The following FTO variants were observed in gnomAD, a reference collection of about 807,000 sequenced individuals.
FTO encodes the protein alpha-ketoglutarate-dependent dioxygenase FTO.
In FTO, 47 loss-of-function variants were observed where a neutral mutation model predicts 63.9. That is an observed-to-expected ratio of 0.74 (90% CI 0.58 to 0.94). FTO has a LOEUF of 0.94. Ranked by LOEUF, FTO falls within the 40% of genes least tolerant of loss-of-function variation. FTO has a pLI of 0.00. For missense variants in FTO, 562 were observed against 618.1 expected (o/e 0.91, Z 0.96); for synonymous variants, 207 against 224.4 (o/e 0.92, Z 0.69).
At position 54,114,268 on chromosome 16, in the gene FTO, A is replaced by C. The variant is rs1200833431; in HGVS notation, c.*2353A>C. Reference sequence around the variant, plus strand: ...TTCTCCGTTTTTTCATTAATTGTGAACCTGACCTGCATCACCCTTTCATGT... The same window carrying C: ...TTCTCCGTTTTTTCATTAATTGTGACCCTGACCTGCATCACCCTTTCATGT... On this transcript the variant is annotated 3_prime_UTR_variant, in exon 9 of 9. Coordinates refer to ENST00000471389, the MANE Select transcript of FTO (RefSeq NM_001080432.3). 1.3e-5 allele frequency: 2 copies of C among 151,892 alleles called. No homozygotes were observed. Among genetic ancestry groups the C allele is most frequent in the Non-Finnish European group, 2.9e-5 (2 of 68,010 alleles). 9.4% of individuals were successfully genotyped at this position (151,892 alleles called of 1,614,324 possible). A position where few individuals can be genotyped will look rare whatever the true frequency, so the allele number is the denominator to read the frequency against.
chr16:54,008,058 C>G (rs1431984675), intron 8 of FTO, among the ~76,000 whole-genome samples: 1 of 152,148 alleles, frequency 6.6e-6, no homozygotes, highest in Admixed American at 6.5e-5. Context: ...AAGAATCAGG[C>G]AGACAATCCA....
At chr16:53,798,322 TG>T (rs1244155305) in intron 1 of FTO, among the ~76,000 whole-genome samples, 1 of 152,168 alleles carries the variant, frequency 6.6e-6, no homozygotes, top group Admixed American at 6.5e-5. Context: ...AGAAATAGAA[TG>T]TCAATTTTTA....
intron 8 of FTO, among the ~76,000 whole-genome samples, chr16:54,097,304 TGTTA>T (rs1162004353): frequency 5.3e-5 from 8 of 151,160 alleles, no homozygotes; most frequent in African/African-American, 9.8e-5. Flanking sequence ...CTTGTTAGGT[TGTTA>T]GCTTGCTCTT....
intron 1 of FTO, among the ~76,000 whole-genome samples, chr16:53,730,081 T>C (rs1416839017): frequency 6.6e-6 from 1 of 152,218 alleles, no homozygotes; most frequent in Non-Finnish European, 1.5e-5. Context: ...GGACTTCAAA[T>C]GTAGATATAA....
At chr16:53,955,530 G>A (rs72809609) in intron 8 of FTO, among the ~76,000 whole-genome samples, 23,839 of 152,082 alleles carry the variant, frequency 0.16, 2,081 homozygotes, top group Admixed American at 0.2. Context: ...GAGAGAGGAA[G>A]GAGGGGTCAC....
chr16:53,745,522 T>C (rs1399955983), intron 1 of FTO, among the ~76,000 whole-genome samples: 2 of 152,234 alleles, frequency 1.3e-5, no homozygotes, highest in African/African-American at 4.8e-5. Context: ...GTTTCATTCA[T>C]ATAAAGAAAT....
At chr16:53,758,551 C>T (rs998289264) in intron 1 of FTO, among the ~76,000 whole-genome samples, 5 of 152,166 alleles carry the variant, frequency 3.3e-5, no homozygotes, top group African/African-American at 1.2e-4. Flanking sequence ...TCATATCGCT[C>T]TGTAGTGAGG....
At chr16:53,930,190 T>G (rs1390526945) in intron 7 of FTO, among the ~76,000 whole-genome samples, 1 of 151,808 alleles carries the variant, frequency 6.6e-6, no homozygotes, top group Non-Finnish European at 1.5e-5. Flanking sequence ...AAATATATAG[T>G]TTTGTTTATA....
intron 8 of FTO, among the ~76,000 whole-genome samples, chr16:54,026,109 A>G (rs1340030550): frequency 1.3e-5 from 2 of 152,250 alleles, no homozygotes; most frequent in Non-Finnish European, 2.9e-5. Context: ...TTTGGCTGCA[A>G]ATATCAAAGA....
chr16:53,860,928 A>C (rs2151853633), intron 4 of FTO, among the ~76,000 whole-genome samples: 1 of 151,276 alleles, frequency 6.6e-6, no homozygotes, highest in East Asian at 1.9e-4. Flanking sequence ...GTTTACTGTG[A>C]GGTCATGGGT....
At chr16:53,944,779 G>A (rs1047691576) in intron 8 of FTO, among the ~76,000 whole-genome samples, 9 of 152,172 alleles carry the variant, frequency 5.9e-5, no homozygotes, top group Non-Finnish European at 1.5e-5. Flanking sequence ...TACCTGTAAC[G>A]TATTAGGTGT....
intron 1 of FTO, among the ~76,000 whole-genome samples, chr16:53,746,363 C>T (rs1453112305): frequency 1.3e-5 from 2 of 152,142 alleles, no homozygotes; most frequent in African/African-American, 4.8e-5. Context: ...TCCCTTCCCC[C>T]ATCAACATAT....
At chr16:53,918,687 G>T (rs762080854) in intron 7 of FTO, among the ~76,000 whole-genome samples, 2 of 152,158 alleles carry the variant, frequency 1.3e-5, no homozygotes, top group Non-Finnish European at 2.9e-5. Context: ...TGTATATGTT[G>T]TATTTCCCAG....
chr16:54,092,778 AT>A (rs1343521788), intron 8 of FTO, among the ~76,000 whole-genome samples: 1 of 152,206 alleles, frequency 6.6e-6, no homozygotes, highest in Non-Finnish European at 1.5e-5. Flanking sequence ...TCTAGTCTTT[AT>A]TTGCTGGCCT....
intron 8 of FTO, among the ~76,000 whole-genome samples, chr16:53,970,585 C>A (rs2083293539): frequency 7.6e-6 from 1 of 131,322 alleles, no homozygotes; most frequent in Non-Finnish European, 1.6e-5. Flanking sequence ...GGCGAGACTC[C>A]ATCTCAAAAA....
At chr16:54,074,736 C>G (rs2085945319) in intron 8 of FTO, among the ~76,000 whole-genome samples, 1 of 152,024 alleles carries the variant, frequency 6.6e-6, no homozygotes, top group Non-Finnish European at 1.5e-5. Context: ...AGGATAGATT[C>G]CTAGAAATTG....
At chr16:53,724,333 A>G (rs886507384) in intron 1 of FTO, among the ~76,000 whole-genome samples, 1 of 152,202 alleles carries the variant, frequency 6.6e-6, no homozygotes, top group Admixed American at 6.5e-5. Flanking sequence ...AGAGTGGATG[A>G]TAGTGATCAG....
At chr16:54,086,995 C>T (rs1221050482) in intron 8 of FTO, among the ~76,000 whole-genome samples, 1 of 152,168 alleles carries the variant, frequency 6.6e-6, no homozygotes, top group Non-Finnish European at 1.5e-5. Context: ...CTTGCTTGGG[C>T]CTCTTGTGCT....
intron 8 of FTO, among the ~76,000 whole-genome samples, chr16:54,111,241 G>C (rs988808764): frequency 2.6e-5 from 4 of 152,124 alleles, no homozygotes; most frequent in South Asian, 2.1e-4. Flanking sequence ...TCCTTGGAGT[G>C]CCTTTTTCTG....
Sources: gnomAD v4.1 joint callset for allele counts (sites outside exome capture counted in the v4.1 genomes callset) on GRCh38, gnomAD v4.1.1 for gene constraint, MANE v1.5 for transcripts, NCBI Gene and HGNC (gene_info 2026-07-23, HGNC 2026-07-21) for gene names.